SOX6: variants seen among roughly 807,000 people sequenced by gnomAD.
The protein encoded by SOX6 is transcription factor SOX-6.
Under a neutral mutation model 97.8 loss-of-function variants are expected in SOX6, and 11 were observed. The observed-to-expected ratio is 0.11, with a 90% CI of 0.07 to 0.19. The LOEUF (loss-of-function observed/expected upper bound fraction) is 0.19, where lower values mean the gene tolerates loss of function less well. SOX6 is among the 10% of genes least tolerant of loss of function. SOX6 has a pLI of 1.00. For synonymous variants in SOX6, 360 were observed against 371.4 expected (o/e 0.97, Z 0.35); for missense variants, 810 against 1,039.5 (o/e 0.78, Z 3.04).
chr11:16,538,972 G>C (rs983689757), intron 4 of SOX6, among the ~76,000 whole-genome samples: 7 of 152,106 alleles, frequency 4.6e-5, no homozygotes, highest in Admixed American at 1.3e-4. Flanking sequence ...GCACCAAGTG[G>C]ACCTAATAGA....
At chr11:16,307,037 G>A (rs925811779) in intron 3 of SOX6, among the ~76,000 whole-genome samples, 8 of 152,162 alleles carry the variant, frequency 5.3e-5, no homozygotes, top group African/African-American at 1.9e-4. Context: ...GAATGTCCAA[G>A]TTATATGTTT....
At chr11:16,500,797 A>T (rs571832215) in intron 4 of SOX6, among the ~76,000 whole-genome samples, 94 of 152,324 alleles carry the variant, frequency 6.2e-4, no homozygotes, top group Non-Finnish European at 1.2e-3. Flanking sequence ...CCACTGCTCA[A>T]TGAAATAAAA....
chr11:16,035,187 G>A (rs1037784015), intron 12 of SOX6, among the ~76,000 whole-genome samples: 2 of 152,138 alleles, frequency 1.3e-5, no homozygotes, highest in Non-Finnish European at 2.9e-5. Context: ...TTTTCAAGGC[G>A]CATCAGGACA....
At chr11:16,105,800 T>G (rs935472645) in intron 7 of SOX6, among the ~76,000 whole-genome samples, 1 of 152,044 alleles carries the variant, frequency 6.6e-6, no homozygotes, top group Non-Finnish European at 1.5e-5. Context: ...ATCCTATATA[T>G]AGAAAATCCC....
At chr11:16,519,916 G>C (rs1440827705) in intron 4 of SOX6, among the ~76,000 whole-genome samples, 1 of 152,144 alleles carries the variant, frequency 6.6e-6, no homozygotes, top group Non-Finnish European at 1.5e-5. Flanking sequence ...CTAACTCATT[G>C]TGGTTTTTAA....
intron 2 of SOX6, among the ~76,000 whole-genome samples, chr11:16,726,947 CGAAT>C (rs1848310801): frequency 1.3e-5 from 2 of 152,234 alleles, no homozygotes; most frequent in Non-Finnish European, 2.9e-5. Flanking sequence ...TCTTTTCCAA[CGAAT>C]GATTTTATTT....
At chr11:16,215,546 T>C (rs1420547272) in intron 4 of SOX6, among the ~76,000 whole-genome samples, 2 of 152,208 alleles carry the variant, frequency 1.3e-5, no homozygotes, top group African/African-American at 2.4e-5. Flanking sequence ...ATGACTTATC[T>C]AGGCACCCTG....
In SOX6 at chr11:16,015,081, T is replaced by C. The variant is rs748032694; in HGVS notation, c.1624-31A>G. 3.8e-6 allele frequency: 6 copies of C among 1,592,690 alleles called. No individual in the cohort carries two copies. The South Asian group carries it at 4.4e-5, about 12-fold the overall frequency. The stretch of plus-strand genomic sequence containing the variant: ...GGAACAAATAATCAGAGGCTTATTC[T>C]AGTTTCCAAAACAGCCACCATTTCC... On this transcript the variant is annotated intron_variant, in intron 12 of 15. Transcript: ENST00000683767.
At chr11:16,267,523 T>C (rs144279491) in intron 3 of SOX6, among the ~76,000 whole-genome samples, 1 of 151,490 alleles carries the variant, frequency 6.6e-6, no homozygotes, top group Admixed American at 6.6e-5. Context: ...GAATAGCTAG[T>C]ATAAAAAGGA....
intron 1 of SOX6, among the ~76,000 whole-genome samples, chr11:16,374,986 T>G (rs1340347572): frequency 6.6e-6 from 1 of 152,026 alleles, no homozygotes; most frequent in Non-Finnish European, 1.5e-5. Context: ...ATTCATAAAA[T>G]GAAAGTCAAA....
chr11:16,564,113 G>C (rs1211468197), intron 4 of SOX6, among the ~76,000 whole-genome samples: 1 of 152,224 alleles, frequency 6.6e-6, no homozygotes, highest in Admixed American at 6.5e-5. Context: ...ACTAAAGGAA[G>C]TTCTCTAAAC....
chr11:16,114,305 G>A (rs1849296584), intron 6 of SOX6, among the ~76,000 whole-genome samples: 1 of 152,098 alleles, frequency 6.6e-6, no homozygotes, highest in South Asian at 2.1e-4. Flanking sequence ...TCTATATGCT[G>A]CTATTTTCTT....
chr11:16,366,110 G>A (rs1857353245), intron 1 of SOX6, among the ~76,000 whole-genome samples: 1 of 152,106 alleles, frequency 6.6e-6, no homozygotes, highest in Admixed American at 6.6e-5. Flanking sequence ...TCTGGGAATA[G>A]TACAGTGAGG....
chr11:16,417,953 G>C (rs1282103302), intron 1 of SOX6, among the ~76,000 whole-genome samples: 5 of 151,992 alleles, frequency 3.3e-5, no homozygotes, highest in Non-Finnish European at 5.9e-5. Flanking sequence ...TTAAACAAAC[G>C]CTAATATTCC....
chr11:16,520,508 C>T (rs1395093320), intron 4 of SOX6, among the ~76,000 whole-genome samples: 1 of 152,292 alleles, frequency 6.6e-6, no homozygotes, highest in East Asian at 1.9e-4. Context: ...CCAAGATGGC[C>T]AAATAGGAAC....
chr11:16,485,926 G>A (rs1416145992), intron 4 of SOX6, among the ~76,000 whole-genome samples: 28 of 50,064 alleles, frequency 5.6e-4, no homozygotes, highest in African/African-American at 2.1e-3. Flanking sequence ...GGAAGGGGAG[G>A]GGAGGGGAGG....
rs1441144522 is a variant in SOX6, at chr11:16,559,377, A to G, written n.609+52704T>C. 2.6e-5 allele frequency among the ~76,000 whole-genome samples: 4 copies of G among 151,188 alleles called. No homozygotes were observed. The South Asian group carries it at 8.4e-4, about 32-fold the overall frequency. Reference sequence around the variant, plus strand: ...GACTTTCAAGTTTCAACAGACAGATACAGGCTAGTACAAAGTCTTTGCCAT... The same window carrying G: ...GACTTTCAAGTTTCAACAGACAGATGCAGGCTAGTACAAAGTCTTTGCCAT... On this transcript the variant is annotated intron_variant and non_coding_transcript_variant, in intron 4 of 5. Transcript: ENST00000524520.
intron 4 of SOX6, among the ~76,000 whole-genome samples, chr11:16,593,513 C>T (rs1848177192): frequency 8.8e-6 from 1 of 113,374 alleles, no homozygotes; most frequent in Non-Finnish European, 1.9e-5. Flanking sequence ...AATCAAAATC[C>T]ACCTTTAGAA....
At chr11:16,702,071 C>T (rs1443689594) in intron 3 of SOX6, among the ~76,000 whole-genome samples, 4 of 152,120 alleles carry the variant, frequency 2.6e-5, no homozygotes, top group Admixed American at 1.3e-4. Context: ...AGATACCACC[C>T]TAATATCAAT....
Sources: gnomAD v4.1 joint callset for allele counts (sites outside exome capture counted in the v4.1 genomes callset) on GRCh38, gnomAD v4.1.1 for gene constraint, MANE v1.5 for transcripts, NCBI Gene and HGNC (gene_info 2026-07-23, HGNC 2026-07-21) for gene names.